The following ROBO2 variants were observed in gnomAD, a reference collection of about 807,000 sequenced individuals.
The protein encoded by ROBO2 is roundabout guidance receptor 2.
Under a neutral mutation model 160.8 loss-of-function variants are expected in ROBO2, and 53 were observed. The ratio of observed to expected loss-of-function variants is 0.33; its 90% CI spans 0.26 to 0.41. The LOEUF (loss-of-function observed/expected upper bound fraction) is 0.41. Ranked by LOEUF, ROBO2 falls within the 10% of genes least tolerant of loss-of-function variation. The probability of loss-of-function intolerance (pLI) is 1.00; values close to 1 mark genes in which losing one functional copy is unlikely to be tolerated. For missense variants in ROBO2, 1,577 were observed against 1,722.4 expected (o/e 0.92, Z 1.49); for synonymous variants, 664 against 611.7 (o/e 1.09, Z -1.26).
intron 1 of ROBO2, among the ~76,000 whole-genome samples, chr3:75,923,690 C>T (rs1428331384): frequency 6.6e-6 from 1 of 152,052 alleles, no homozygotes; most frequent in African/African-American, 2.4e-5. Flanking sequence ...AGGGTAGGCT[C>T]GGGAAAACAA....
chr3:77,029,444 G>C (rs1473981273), intron 2 of ROBO2, among the ~76,000 whole-genome samples: 1 of 152,168 alleles, frequency 6.6e-6, no homozygotes, highest in Non-Finnish European at 1.5e-5. Context: ...GCTGTAAAAA[G>C]ATGAGCGTTA....
chr3:77,191,684 A>G (rs959973729), intron 2 of ROBO2, among the ~76,000 whole-genome samples: 1 of 152,230 alleles, frequency 6.6e-6, no homozygotes, highest in African/African-American at 2.4e-5. Context: ...TGTTCCATTT[A>G]GTGAGAAAGG....
intron 2 of ROBO2, among the ~76,000 whole-genome samples, chr3:76,618,791 A>G (rs1024455142): frequency 1.3e-4 from 19 of 151,730 alleles, no homozygotes; most frequent in African/African-American, 4.4e-4. Context: ...CTTTCACTAG[A>G]TAGCTTTTCC....
intron 2 of ROBO2, among the ~76,000 whole-genome samples, chr3:75,968,581 T>G (rs1226638951): frequency 6.6e-6 from 1 of 151,538 alleles, no homozygotes; most frequent in African/African-American, 2.4e-5. Flanking sequence ...TATATTTTTA[T>G]GTGATTGGCA....
intron 2 of ROBO2, among the ~76,000 whole-genome samples, chr3:76,068,646 A>G (rs9879542): frequency 0.62 from 94,779 of 151,982 alleles, 30,194 homozygotes; most frequent in African/African-American, 0.75. Context: ...ATACCTTTCC[A>G]TATTCTACAA....
chr3:76,858,656 C>T (rs562292431), intron 2 of ROBO2, among the ~76,000 whole-genome samples: 2 of 152,274 alleles, frequency 1.3e-5, no homozygotes, highest in South Asian at 2.1e-4. Context: ...AAAGGCCCTG[C>T]CCAGCCAGAC....
chr3:76,306,803 T>C (rs1400668711), intron 2 of ROBO2, among the ~76,000 whole-genome samples: 1 of 152,236 alleles, frequency 6.6e-6, no homozygotes, highest in East Asian at 1.9e-4. Flanking sequence ...ATAAGAAACC[T>C]TAAAGTTTAT....
At chr3:76,443,862 T>C (rs2077043583) in intron 2 of ROBO2, among the ~76,000 whole-genome samples, 1 of 152,158 alleles carries the variant, frequency 6.6e-6, no homozygotes, top group African/African-American at 2.4e-5. Context: ...TCTGGAAAAG[T>C]TACACATAAG....
At chr3:76,549,220 G>T (rs1004161459) in intron 2 of ROBO2, among the ~76,000 whole-genome samples, 1 of 151,874 alleles carries the variant, frequency 6.6e-6, no homozygotes, top group African/African-American at 2.4e-5. Context: ...GTCATGAAAG[G>T]CAAATTTTCT....
intron 2 of ROBO2, among the ~76,000 whole-genome samples, chr3:76,293,139 C>T (rs1708889905): frequency 6.6e-6 from 1 of 152,120 alleles, no homozygotes; most frequent in Non-Finnish European, 1.5e-5. Context: ...AGGTATCAAA[C>T]TGCAGGCAAT....
intron 2 of ROBO2, among the ~76,000 whole-genome samples, chr3:77,308,049 A>G (rs780791369): frequency 2.6e-5 from 4 of 152,056 alleles, no homozygotes; most frequent in Non-Finnish European, 4.4e-5. Flanking sequence ...TATATTAAAA[A>G]TATTGACAAT....
chr3:76,341,798 G>T (rs1559793332), intron 2 of ROBO2, among the ~76,000 whole-genome samples: 1 of 152,088 alleles, frequency 6.6e-6, no homozygotes, highest in Non-Finnish European at 1.5e-5. Context: ...TTTAAAATGG[G>T]ACGTAAAAAA....
intron 2 of ROBO2, among the ~76,000 whole-genome samples, chr3:76,988,475 A>G (rs12630195): frequency 6.6e-6 from 1 of 152,160 alleles, no homozygotes; most frequent in East Asian, 1.9e-4. Flanking sequence ...TCAGAAATCT[A>G]GAAGAGAGTG....
chr3:77,354,238 T>C (rs1454605272), intron 2 of ROBO2, among the ~76,000 whole-genome samples: 2 of 152,154 alleles, frequency 1.3e-5, no homozygotes, highest in Admixed American at 1.3e-4. Context: ...CACTGACAAT[T>C]ACAATTTTTT....
intron 2 of ROBO2, among the ~76,000 whole-genome samples, chr3:76,751,899 C>A (rs2060675756): frequency 1.3e-5 from 2 of 152,176 alleles, no homozygotes; most frequent in South Asian, 4.2e-4. Flanking sequence ...CCTCAAGGAT[C>A]TAGAACTAGA....
At chr3:76,473,120 C>T (rs1577441730) in intron 2 of ROBO2, among the ~76,000 whole-genome samples, 1 of 152,176 alleles carries the variant, frequency 6.6e-6, no homozygotes, top group East Asian at 1.9e-4. Context: ...CAACACTCCA[C>T]ATCTATCCAG....
At chr3:76,901,204 T>C (rs1312635583) in intron 2 of ROBO2, among the ~76,000 whole-genome samples, 1 of 152,100 alleles carries the variant, frequency 6.6e-6, no homozygotes, top group Non-Finnish European at 1.5e-5. Flanking sequence ...CCACTTTTCC[T>C]AATTTATTTT....
At chr3:76,999,930 A>G (rs1377655204) in intron 2 of ROBO2, among the ~76,000 whole-genome samples, 2 of 152,120 alleles carry the variant, frequency 1.3e-5, no homozygotes, top group Admixed American at 6.6e-5. Flanking sequence ...TTGCTTTTGT[A>G]TCCTCCTGCA....
chr3:77,103,240 G>A (rs1224077210), intron 2 of ROBO2, among the ~76,000 whole-genome samples: 1 of 152,038 alleles, frequency 6.6e-6, no homozygotes, highest in African/African-American at 2.4e-5. Context: ...AGGGGGTTCT[G>A]GCCTAAATGA....
Sources: allele counts gnomAD v4.1 joint callset (sites outside exome capture counted in the v4.1 genomes callset), GRCh38; gene constraint gnomAD v4.1.1; transcripts MANE v1.5; gene names NCBI Gene and HGNC (gene_info 2026-07-23, HGNC 2026-07-21).